Variants in OR3A2 observed in about 807,000 individuals in gnomAD.
OR3A2 encodes the protein olfactory receptor family 3 subfamily A member 2.
For missense variants in OR3A2, 318 were observed against 392.8 expected (o/e 0.81, Z 1.61); for synonymous variants, 126 against 159.3 (o/e 0.79, Z 1.57).
At chr17:3,374,897 A>G (rs1170764658) in intron 2 of OR3A2, among the ~76,000 whole-genome samples, 1 of 152,152 alleles carries the variant, frequency 6.6e-6, no homozygotes, top group East Asian at 1.9e-4. Flanking sequence ...AGTCCATTGT[A>G]TCATTCTTAT....
At chr17:3,347,606 G>A (rs1022623804) in intron 2 of OR3A2, among the ~76,000 whole-genome samples, 2 of 152,154 alleles carry the variant, frequency 1.3e-5, no homozygotes, top group African/African-American at 2.4e-5. Flanking sequence ...AGTATTCCAT[G>A]GTGTATATCT....
At chr17:3,324,408 G>C (rs2049152917) in intron 3 of OR3A2, among the ~76,000 whole-genome samples, 1 of 152,082 alleles carries the variant, frequency 6.6e-6, no homozygotes, top group Admixed American at 6.6e-5. Context: ...GTGAGGAACT[G>C]CATTCCTTTG....
At chr17:3,303,830 T>TGCAGTGAGCCGAGATCATG (rs1453872307) in intron 3 of OR3A2, among the ~76,000 whole-genome samples, 8 of 150,416 alleles carry the variant, frequency 5.3e-5, no homozygotes, top group African/African-American at 1.9e-4. Flanking sequence ...AGGCGGAGGT[T>TGCAGTGAGCCGAGATCATG]GCAGTGAGCC....
At chr17:3,381,896 T>C (rs1033764287) in intron 2 of OR3A2, among the ~76,000 whole-genome samples, 1 of 152,150 alleles carries the variant, frequency 6.6e-6, no homozygotes, top group Admixed American at 6.5e-5. Context: ...AAGACAAACA[T>C]TTGTCTTCAG....
intron 3 of OR3A2, among the ~76,000 whole-genome samples, chr17:3,308,983 G>A (rs957765871): frequency 6.6e-6 from 1 of 152,026 alleles, no homozygotes; most frequent in African/African-American, 2.4e-5. Context: ...TCAGCTCACT[G>A]CAACCTCCAC....
chr17:3,361,740 C>G (rs1379576310), intron 2 of OR3A2, among the ~76,000 whole-genome samples: 1 of 151,454 alleles, frequency 6.6e-6, no homozygotes, highest in Non-Finnish European at 1.5e-5. Flanking sequence ...GTATGTTGAA[C>G]CAGCCTTGCA....
intron 2 of OR3A2, among the ~76,000 whole-genome samples, chr17:3,369,269 C>T (rs937033180): frequency 6.6e-6 from 1 of 152,070 alleles, no homozygotes; most frequent in Non-Finnish European, 1.5e-5. Context: ...ACTTTCAGTA[C>T]TATGTTGAAT....
At chr17:3,322,595 G>A (rs1158118319) in intron 3 of OR3A2, among the ~76,000 whole-genome samples, 1 of 152,154 alleles carries the variant, frequency 6.6e-6, no homozygotes, top group Non-Finnish European at 1.5e-5. Flanking sequence ...TGGTTTCAAA[G>A]AACATCTTTA....
chr17:3,316,247 G>C (rs1271337257), intron 3 of OR3A2, among the ~76,000 whole-genome samples: 3 of 152,112 alleles, frequency 2.0e-5, no homozygotes, highest in Non-Finnish European at 4.4e-5. Flanking sequence ...CAAAATTTTT[G>C]CCCAGCCATC....
chr17:3,370,624 G>C (rs958384636), intron 2 of OR3A2, among the ~76,000 whole-genome samples: 1 of 121,976 alleles, frequency 8.2e-6, no homozygotes, highest in South Asian at 3.3e-4. Context: ...TTGTCTATTT[G>C]TTCTTTCGGA....
At chr17:3,291,232 G>C (rs543183578) in intron 3 of OR3A2, 2 of 171,016 alleles carry the variant, frequency 1.2e-5, no homozygotes, top group South Asian at 3.6e-4. Context: ...TTTATAAACA[G>C]ACCAAGCACA....
chr17:3,371,826 G>C (rs1440679674), intron 2 of OR3A2, among the ~76,000 whole-genome samples: 1 of 120,756 alleles, frequency 8.3e-6, no homozygotes, highest in Admixed American at 8.1e-5. Flanking sequence ...GCGGGGGGCT[G>C]ACCTCCCCAC....
intron 2 of OR3A2, among the ~76,000 whole-genome samples, chr17:3,362,287 T>A (rs1176504485): frequency 6.6e-6 from 1 of 151,654 alleles, no homozygotes; most frequent in East Asian, 1.9e-4. Context: ...TTTTATGGCA[T>A]CTATTTGATT....
chr17:3,348,939 T>C (rs939531632), intron 2 of OR3A2, among the ~76,000 whole-genome samples: 6 of 151,914 alleles, frequency 3.9e-5, no homozygotes, highest in Non-Finnish European at 1.5e-5. Context: ...CTAAGCTTCA[T>C]AAGTGAAGGA....
chr17:3,343,778 T>C (rs1408292784), intron 2 of OR3A2, among the ~76,000 whole-genome samples: 1 of 152,096 alleles, frequency 6.6e-6, no homozygotes, highest in Non-Finnish European at 1.5e-5. Context: ...TTTTTAACAG[T>C]AGTCTAGTTT....
chr17:3,294,420 G>C (rs1451543056), intron 3 of OR3A2, among the ~76,000 whole-genome samples: 2 of 152,032 alleles, frequency 1.3e-5, no homozygotes, highest in African/African-American at 4.8e-5. Flanking sequence ...AATGAGAAAA[G>C]AGAGAAAATG....
chr17:3,367,601 G>GTGTGTGTGTGTGTA (rs1555530074), intron 2 of OR3A2, among the ~76,000 whole-genome samples: 2 of 122,522 alleles, frequency 1.6e-5, no homozygotes, highest in African/African-American at 7.1e-5. Context: ...GTGTGTGTGT[G>GTGTGTGTGTGTGTA]TATATATATA....
At chr17:3,340,576 T>C (rs2049308116) in intron 2 of OR3A2, among the ~76,000 whole-genome samples, 1 of 152,154 alleles carries the variant, frequency 6.6e-6, no homozygotes, top group South Asian at 2.1e-4. Context: ...ACTTGTGTGG[T>C]TTTGAGTGAG....
chr17:3,326,370 G>C (rs1313212130), intron 3 of OR3A2, among the ~76,000 whole-genome samples: 1 of 151,982 alleles, frequency 6.6e-6, no homozygotes, highest in Non-Finnish European at 1.5e-5. Flanking sequence ...GAAAATCTAG[G>C]CAATACCATT....
Sources: allele counts gnomAD v4.1 joint callset (sites outside exome capture counted in the v4.1 genomes callset), GRCh38; gene constraint gnomAD v4.1.1; transcripts MANE v1.5; gene names NCBI Gene and HGNC (gene_info 2026-07-23, HGNC 2026-07-21).